The following LMNA variants were observed in gnomAD, a reference collection of about 807,000 sequenced individuals.
LMNA encodes the protein lamin.
A neutral mutation model predicts 70.4 loss-of-function variants in LMNA; 20 were observed. The observed-to-expected ratio is 0.28, with a 90% CI of 0.20 to 0.41. The LOEUF (loss-of-function observed/expected upper bound fraction) is 0.41. LMNA is among the 10% of genes least tolerant of loss of function. The pLI is 1.00. For synonymous variants in LMNA, 339 were observed against 372.8 expected, an observed-to-expected ratio of 0.91 and a Z score of 1.04; for missense variants, 652 against 917.2, an observed-to-expected ratio of 0.71 and a Z score of 3.73.
intron 3 of LMNA, chr1:156,106,914 G>C (rs1366358945): frequency 6.6e-6 from 1 of 152,406 alleles, no homozygotes; most frequent in South Asian, 2.1e-4. Context: ...TTGGAATGCC[G>C]GGAATGGAGC....
intron 1 of LMNA, among the ~76,000 whole-genome samples, chr1:156,128,687 T>C (rs530028881): frequency 1.3e-5 from 2 of 152,370 alleles, no homozygotes; most frequent in East Asian, 3.9e-4. Context: ...TGGCTTTCGG[T>C]AATTGACACT....
upstream of LMNA, among the ~76,000 whole-genome samples, chr1:156,112,131 G>C (rs1255489872): frequency 6.6e-6 from 1 of 152,148 alleles, no homozygotes; most frequent in Non-Finnish European, 1.5e-5. Context: ...AGATGGGGAG[G>C]TCTGGCCAGA....
At chr1:156,104,344 C>T (rs1649247875) in intron 3 of LMNA, among the ~76,000 whole-genome samples, 4 of 152,166 alleles carry the variant, frequency 2.6e-5, no homozygotes, top group Admixed American at 1.3e-4. Context: ...CAACTGTTGT[C>T]GTCTGGTAAA....
Position 156,139,801 on chromosome 1 carries a change from GA to G in LMNA, c.*697del. 1 of 1,532,926 alleles carries G rather than the reference GA, an allele frequency of 6.5e-7. No homozygotes were observed. Among genetic ancestry groups the G allele is most frequent in the East Asian group, 2.5e-5 (1 of 40,798 alleles). The allele number at this position is 1,532,926 out of a possible 1,614,324, so 95.0% of individuals were successfully genotyped here. A position where few individuals can be genotyped will look rare whatever the true frequency, so the allele number is the denominator to read the frequency against. On this transcript the variant is annotated 3_prime_UTR_variant, in exon 12 of 12. Transcript: ENST00000368300. ...GATGGGAATGAGGTGGGAGGTGGAAGAAGGGAGAAGAAAGGTGAGTTTGAGC... is the reference window on the plus strand; with the variant it reads ...GATGGGAATGAGGTGGGAGGTGGAAGAGGGAGAAGAAAGGTGAGTTTGAGC...
Position 156,139,436 on chromosome 1 carries a change from G to T in LMNA, c.*330G>T. 1 of 1,347,958 alleles carries T rather than the reference G, an allele frequency of 7.4e-7. No individual in the cohort carries two copies. The highest frequency in any genetic ancestry group is 9.5e-7 in the Non-Finnish European group (1 of 1,052,016). 83.5% of individuals were successfully genotyped at this position (1,347,958 alleles called of 1,614,324 possible). A position where few individuals can be genotyped will look rare whatever the true frequency, so the allele number is the denominator to read the frequency against. On this transcript the variant is annotated 3_prime_UTR_variant, in exon 12 of 12. Transcript: ENST00000368300. ...TTCCTCTAGAAGCCAAGGGAAAGGGGTGCTTTTATAGAGGCTAGCTTCTGC... is the reference window on the plus strand; with the variant it reads ...TTCCTCTAGAAGCCAAGGGAAAGGGTTGCTTTTATAGAGGCTAGCTTCTGC...
chr1:156,138,532 G>C lies in LMNA; in HGVS notation c.1743G>C (p.Leu581=). 1.2e-6 allele frequency: 2 copies of C among 1,612,602 alleles called. No homozygotes were observed. The highest frequency in any genetic ancestry group is 1.7e-6 in the Non-Finnish European group (2 of 1,179,808). Residue 581 remains leucine (L), a synonymous_variant, in exon 11 of 12, where the codon CTG becomes CTC. Coordinates refer to ENST00000368300, the MANE Select transcript of LMNA (RefSeq NM_170707.4). This position sits in a 1 kb window ranked among gnomAD's most constrained non-coding sequence, Gnocchi z 5.5. ...CGGGGGACCCCGCTGAGTACAACCT[G>C]CGCTCGCGCACCGTGCTGTGCGGGA... ...SSSGDPAEYN[L]RSRTVLCGTC...
intron 3 of LMNA, among the ~76,000 whole-genome samples, chr1:156,107,572 C>A (rs1044538312): frequency 9.2e-5 from 14 of 152,212 alleles, no homozygotes; most frequent in Non-Finnish European, 1.6e-4. Flanking sequence ...AGAAGCTCTG[C>A]CTCTGTCATT....
Position 156,137,779 on chromosome 1 carries a change from TG to T in LMNA, c.1698+40del. 1 of 1,548,510 alleles carries T rather than the reference TG, an allele frequency of 6.5e-7. No individual in the cohort carries two copies. On this transcript the variant is annotated intron_variant, in intron 10 of 11. Transcript: ENST00000368300. The surrounding 1 kb of genome is among the most constrained non-coding windows in gnomAD (Gnocchi z 4.6). Reference sequence around the variant, plus strand: ...GCCGCCGCTGAGGCCGAGCCTGCACTGGGGCCACCCAGCCAGGCCTGGGGGC... The same window carrying T: ...GCCGCCGCTGAGGCCGAGCCTGCACTGGGCCACCCAGCCAGGCCTGGGGGC...
chr1:156,094,710 C>T (rs1019838823), intron 3 of LMNA, among the ~76,000 whole-genome samples: 1 of 152,012 alleles, frequency 6.6e-6, no homozygotes, highest in African/African-American at 2.4e-5. Context: ...ACATATACCC[C>T]CAAGTCTGCT....
chr1:156,122,812 T>C (rs1650285925), intron 1 of LMNA, among the ~76,000 whole-genome samples: 1 of 152,192 alleles, frequency 6.6e-6, no homozygotes, highest in Non-Finnish European at 1.5e-5. Flanking sequence ...GCCCACCTTC[T>C]ACCCTTCCAG....
At chr1:156,123,765 G>A (rs1191238356) in intron 1 of LMNA, among the ~76,000 whole-genome samples, 2 of 152,174 alleles carry the variant, frequency 1.3e-5, no homozygotes, top group African/African-American at 2.4e-5. Context: ...GAAGCCAGCC[G>A]CCCATTGTCC....
chr1:156,125,921 T>C lies in LMNA; in HGVS notation c.357-4696T>C, dbSNP rs2485674. 0.21 allele frequency among the ~76,000 whole-genome samples: 32,039 copies of C among 151,880 alleles called. 7,044 individuals carry two copies. The highest frequency in any genetic ancestry group is 0.56 in the African/African-American group (23,323 of 41,342). On this transcript the variant is annotated intron_variant, in intron 1 of 11. Transcript: ENST00000368300. ...AGGAGAATCACTTGAACCTGGGAGG[T>C]GAAGGTTGCAGTGAGATCACCTGGG...
upstream of LMNA, among the ~76,000 whole-genome samples, chr1:156,109,926 C>G (rs776876448): frequency 2.0e-4 from 31 of 151,708 alleles, no homozygotes; most frequent in Admixed American, 1.1e-3. Context: ...CAGCTCACTG[C>G]AGCCTTGACC....
At chr1:156,106,643 ACGCCTCTGTCCCCACCCCCCCAC>A (rs1476888626) in intron 3 of LMNA, 3 of 46,654 alleles carry the variant, frequency 6.4e-5, no homozygotes, top group Non-Finnish European at 1.6e-4. Flanking sequence ...CCACCCCCCC[ACGCCTCTGTCCCCACCCCCCCAC>A]CGCCCCCGGC....
At chr1:156,083,749 G>A (rs1433629813) in intron 2 of LMNA, 2 of 152,216 alleles carry the variant, frequency 1.3e-5, no homozygotes, top group African/African-American at 4.8e-5. Flanking sequence ...GTTGCAGTGA[G>A]TCTAGATCGC....
At chr1:156,091,552 A>G (rs1015648012) in intron 3 of LMNA, among the ~76,000 whole-genome samples, 1 of 152,182 alleles carries the variant, frequency 6.6e-6, no homozygotes, top group African/African-American at 2.4e-5. Context: ...CGGTAAGCCA[A>G]GATCGCGCCA....
rs1391966601 is a variant in LMNA, at chr1:156,134,557, G to A, written c.639+29G>A. 1 of 1,613,092 alleles carries A rather than the reference G, an allele frequency of 6.2e-7. No homozygotes were observed. Among genetic ancestry groups the A allele is most frequent in the South Asian group, 1.1e-5 (1 of 90,960 alleles). On this transcript the variant is annotated intron_variant, in intron 3 of 11. Coordinates refer to ENST00000368300, the MANE Select transcript of LMNA (RefSeq NM_170707.4). This position sits in a 1 kb window ranked among gnomAD's most constrained non-coding sequence, Gnocchi z 5.3. Reference sequence around the variant, plus strand: ...GGGACTGTGCTTTGCAAGCCAGAGGGCTGGGGCTGGGTGATGACAGACTTG... The same window carrying A: ...GGGACTGTGCTTTGCAAGCCAGAGGACTGGGGCTGGGTGATGACAGACTTG...
chr1:156,120,215 A>G (rs1158879122), intron 1 of LMNA, among the ~76,000 whole-genome samples: 1 of 152,230 alleles, frequency 6.6e-6, no homozygotes, highest in Non-Finnish European at 1.5e-5. Context: ...AGCAAAGGCC[A>G]CAGAGGCACA....
intron 2 of LMNA, among the ~76,000 whole-genome samples, chr1:156,131,930 G>A (rs1651107401): frequency 2.0e-5 from 3 of 152,244 alleles, no homozygotes; most frequent in Admixed American, 2.0e-4. Flanking sequence ...AGCACTTTGG[G>A]AGGCCAAGGC....
Sources: gnomAD v4.1 joint callset for allele counts (sites outside exome capture counted in the v4.1 genomes callset) on GRCh38, gnomAD v4.1.1 for gene constraint, Gnocchi (gnomAD v3.1) non-coding constraint, MANE v1.5 for transcripts, NCBI Gene and HGNC (gene_info 2026-07-23, HGNC 2026-07-21) for gene names.